The following CLSTN2 variants were observed in gnomAD, a reference collection of about 807,000 sequenced individuals.
CLSTN2 encodes calsyntenin 2.
A neutral mutation model predicts 101.2 loss-of-function variants in CLSTN2; 48 were observed. The ratio of observed to expected loss-of-function variants is 0.47; its 90% CI spans 0.38 to 0.60. The LOEUF is 0.60. Ranked by LOEUF, CLSTN2 falls within the 20% of genes least tolerant of loss-of-function variation. CLSTN2 has a pLI of 0.00. For missense variants in CLSTN2, 1,160 were observed against 1,238.2 expected (o/e 0.94, Z 0.95); for synonymous variants, 481 against 463.6 (o/e 1.04, Z -0.48).
At chr3:140,546,453 G>C in intron 9 of CLSTN2, 62 bp from the exon 10 acceptor site, 1 of 1,550,248 alleles carries the variant, frequency 6.5e-7, no homozygotes, top group Non-Finnish European at 8.8e-7. Flanking sequence ...GCCAAGTGGT[G>C]CCTTGAGGTG....
intron 2 of CLSTN2, among the ~76,000 whole-genome samples, chr3:140,254,940 A>G (rs1177988101): frequency 6.6e-6 from 1 of 152,218 alleles, no homozygotes; most frequent in Non-Finnish European, 1.5e-5. Context: ...AGAATCTATA[A>G]GAAACTTAAA....
At chr3:140,012,385 A>G (rs2007097115) in intron 1 of CLSTN2, among the ~76,000 whole-genome samples, 1 of 152,186 alleles carries the variant, frequency 6.6e-6, no homozygotes, top group South Asian at 2.1e-4. Flanking sequence ...ACATGTATTT[A>G]TCTTCCAGGA....
chr3:140,059,617 A>G (rs561742546), intron 1 of CLSTN2, among the ~76,000 whole-genome samples: 1 of 152,248 alleles, frequency 6.6e-6, no homozygotes, highest in Non-Finnish European at 1.5e-5. Context: ...TGAGGATGGC[A>G]GGGTGGATAT....
intron 11 of CLSTN2, chr3:140,556,948 G>C: frequency 2.8e-6 from 1 of 360,442 alleles, no homozygotes; most frequent in Non-Finnish European, 5.1e-6. Flanking sequence ...CTAGGAATTT[G>C]AAGTGATCTG....
At chr3:140,165,311 C>CT (rs2010117881) in intron 1 of CLSTN2, among the ~76,000 whole-genome samples, 1 of 152,104 alleles carries the variant, frequency 6.6e-6, no homozygotes, top group South Asian at 2.1e-4. Context: ...CTGCTCTTTG[C>CT]TTCAGGTATT....
chr3:140,383,453 A>T (rs2088014576), intron 2 of CLSTN2, among the ~76,000 whole-genome samples: 1 of 152,198 alleles, frequency 6.6e-6, no homozygotes, highest in South Asian at 2.1e-4. Context: ...ACCAAATACT[A>T]TTTGCCAAAC....
intron 1 of CLSTN2, among the ~76,000 whole-genome samples, chr3:140,050,108 A>T (rs2007962147): frequency 6.6e-6 from 1 of 152,256 alleles, no homozygotes. Flanking sequence ...GAAACTGCTT[A>T]CACAGTGCCT....
At chr3:140,309,972 A>G (rs1172707958) in intron 2 of CLSTN2, among the ~76,000 whole-genome samples, 1 of 152,108 alleles carries the variant, frequency 6.6e-6, no homozygotes, top group Non-Finnish European at 1.5e-5. Flanking sequence ...TTCCCCAGTC[A>G]TCCTGCTAGG....
At chr3:140,314,483 G>A (rs1229288636) in intron 2 of CLSTN2, among the ~76,000 whole-genome samples, 2 of 152,116 alleles carry the variant, frequency 1.3e-5, no homozygotes, top group African/African-American at 4.8e-5. Context: ...TCCCACCCAT[G>A]TGCCACTCCC....
At chr3:140,381,206 C>T (rs1374916404) in intron 2 of CLSTN2, among the ~76,000 whole-genome samples, 1 of 152,182 alleles carries the variant, frequency 6.6e-6, no homozygotes, top group Admixed American at 6.5e-5. Flanking sequence ...TGTGTGTTTT[C>T]ACATCATCTT....
intron 7 of CLSTN2, among the ~76,000 whole-genome samples, chr3:140,466,262 A>C (rs1576583577): frequency 6.6e-6 from 1 of 152,284 alleles, no homozygotes; most frequent in South Asian, 2.1e-4. Context: ...AGCTCCCTAA[A>C]CCCTCCAGAA....
intron 6 of CLSTN2, among the ~76,000 whole-genome samples, chr3:140,453,918 C>T (rs1054302177): frequency 6.6e-6 from 1 of 152,194 alleles, no homozygotes; most frequent in Non-Finnish European, 1.5e-5. Flanking sequence ...GAGGTTTTCA[C>T]ACCCTCATAA....
chr3:140,168,692 T>C (rs1454102415), intron 1 of CLSTN2, among the ~76,000 whole-genome samples: 1 of 152,110 alleles, frequency 6.6e-6, no homozygotes, highest in East Asian at 1.9e-4. Context: ...ACAATACAAC[T>C]GGAGTTTATT....
intron 7 of CLSTN2, among the ~76,000 whole-genome samples, chr3:140,465,193 A>G (rs1047628720): frequency 6.6e-6 from 1 of 152,182 alleles, no homozygotes; most frequent in Non-Finnish European, 1.5e-5. Flanking sequence ...AAGGCTCATG[A>G]AGTCATCATC....
chr3:140,249,787 A>G (rs545306101), intron 2 of CLSTN2, among the ~76,000 whole-genome samples: 2 of 152,182 alleles, frequency 1.3e-5, no homozygotes, highest in Admixed American at 1.3e-4. Context: ...ACTGAAACTC[A>G]TGGGTCCCAA....
At chr3:140,342,603 GA>G (rs2107937050) in intron 2 of CLSTN2, among the ~76,000 whole-genome samples, 1 of 152,250 alleles carries the variant, frequency 6.6e-6, no homozygotes, top group African/African-American at 2.4e-5. Context: ...CATAATGAGA[GA>G]AAGCAATGAT....
chr3:140,477,111 C>G (rs1934004238), intron 8 of CLSTN2, among the ~76,000 whole-genome samples: 1 of 152,184 alleles, frequency 6.6e-6, no homozygotes, highest in Admixed American at 6.5e-5. Context: ...ACCCTGGAGG[C>G]CCAGCAGCGA....
chr3:140,064,562 C>T (rs576507364), intron 1 of CLSTN2, among the ~76,000 whole-genome samples: 2 of 152,226 alleles, frequency 1.3e-5, no homozygotes, highest in East Asian at 3.9e-4. Flanking sequence ...CTAGAACAAC[C>T]AAAACTTATG....
rs140202819 is a variant in CLSTN2 at position 140,566,113 on chromosome 3, G to A, written c.2728G>A (p.Glu910Lys). The A allele has an allele frequency of 3.7e-4, 599 of 1,612,264 alleles. 3 individuals are homozygous for A. The African/African-American group carries it at 6.6e-3, about 18-fold the overall frequency. The change falls in exon 17 of 17, where the codon GAG becomes AAG. Residue 910 changes from glutamate (E) to lysine (K), a missense_variant. Physicochemically the swap from Glu to Lys is moderately conservative, Grantham distance 56. Transcript: ENST00000458420. Reference protein sequence around the residue: ...ETEGEEEEEAEEEMSSSSGSD... With the variant: ...ETEGEEEEEAKEEMSSSSGSD... ...TGAGGGAGAAGAGGAGGAAGAAGCC[G>A]AGGAAGAAATGAGCTCCAGCAGTGG... is the stretch of plus-strand genomic sequence containing the variant.
Sources: gnomAD v4.1 joint callset for allele counts (sites outside exome capture counted in the v4.1 genomes callset) on GRCh38, gnomAD v4.1.1 for gene constraint, MANE v1.5 for transcripts, NCBI Gene and HGNC (gene_info 2026-07-23, HGNC 2026-07-21) for gene names.